Variants in GPX3 observed in about 807,000 individuals in gnomAD.
GPX3 encodes the protein glutathione peroxidase 3, also known as GPx-3.
Under a neutral mutation model 25.1 loss-of-function variants are expected in GPX3, and 22 were observed. That is an observed-to-expected ratio of 0.88 (90% CI 0.63 to 1.25). The LOEUF (loss-of-function observed/expected upper bound fraction) is 1.25. Ranked by LOEUF, GPX3 falls within the 50% of genes most tolerant of loss-of-function variation. The probability of loss-of-function intolerance (pLI) is 0.00; values close to 1 mark genes in which losing one functional copy is unlikely to be tolerated. For synonymous variants in GPX3, 110 were observed against 114.5 expected, an observed-to-expected ratio of 0.96 and a Z score of 0.25; for missense variants, 278 against 286.6, an observed-to-expected ratio of 0.97 and a Z score of 0.22.
intron 2 of GPX3, among the ~76,000 whole-genome samples, chr5:151,026,021 C>T (rs777115338): frequency 5.3e-5 from 8 of 152,176 alleles, no homozygotes; most frequent in Non-Finnish European, 8.8e-5. Flanking sequence ...TCTCAATCTA[C>T]ACATGGGAAA....
At position 151,027,905 on chromosome 5, in the gene GPX3, C is replaced by T. The variant is rs986650820; in HGVS notation, c.460-4C>T. ...GGTTGACACTCCTCTTATCCCTGCTCTAGAACTCCTGTCCTCCCACCTCGG... is the reference window on the plus strand; with the variant it reads ...GGTTGACACTCCTCTTATCCCTGCTTTAGAACTCCTGTCCTCCCACCTCGG... On this transcript the variant is annotated splice_polypyrimidine_tract_variant and splice_region_variant and intron_variant, in intron 4 of 4. Coordinates refer to ENST00000388825, the MANE Select transcript of GPX3 (RefSeq NM_002084.5). 2 of 1,613,624 alleles carry T rather than the reference C, an allele frequency of 1.2e-6. No homozygotes were observed. Among genetic ancestry groups the T allele is most frequent in the South Asian group, 2.2e-5 (2 of 91,048 alleles).
At chr5:151,025,978 CTT>C (rs1479299956) in intron 2 of GPX3, among the ~76,000 whole-genome samples, 2 of 152,150 alleles carry the variant, frequency 1.3e-5, no homozygotes, top group African/African-American at 4.8e-5. Flanking sequence ...CTAAAATAAA[CTT>C]TGAAGATGAT....
chr5:151,020,641 GC>G lies in GPX3; in HGVS notation c.-9del, dbSNP rs1424459806. The G allele has an allele frequency of 3.1e-6, 5 of 1,601,214 alleles. No homozygotes were observed. Among genetic ancestry groups the G allele is most frequent in the Non-Finnish European group, 4.3e-6 (5 of 1,175,364 alleles). ...CAGCGGCTCAGGCGACCCTGAGTGT[GC>G]CCCCACCCCGCCATGGCCCGGCTGC... On this transcript the variant is annotated 5_prime_UTR_variant, in exon 1 of 5. Transcript: ENST00000388825.
In GPX3 at chr5:151,025,459, G is replaced by A. The variant is rs1430868908; in HGVS notation, c.207G>A (p.Val69=). The change falls in exon 2 of 5, where the codon GTG becomes GTA. Residue 69 remains valine (V), a synonymous_variant. Coordinates refer to ENST00000388825, the MANE Select transcript of GPX3 (RefSeq NM_002084.5). ...YAGKYVLFVN[V]ASYUGLTGQY... ...GCAAATACGTCCTCTTTGTCAACGT[G>A]GCCAGCTACTGAGGCCTGACGGGCC... The A allele has an allele frequency of 3.7e-6, 6 of 1,612,060 alleles. No individual in the cohort carries two copies. The Middle Eastern group carries it at 6.9e-4, about 185-fold the overall frequency.
intron 1 of GPX3, 87 bp from the exon 2 acceptor site, chr5:151,025,253 T>C (rs1463837928): frequency 4.5e-6 from 5 of 1,105,998 alleles, no homozygotes; most frequent in Non-Finnish European, 6.3e-6. Context: ...AGTCACTCTC[T>C]CTGTTGGGAT....
chr5:151,028,113 G>A lies in GPX3; in HGVS notation c.664G>A (p.Gly222Arg). The A allele has an allele frequency of 6.3e-7, 1 of 1,575,026 alleles. No individual in the cohort carries two copies. The highest frequency in any genetic ancestry group is 8.6e-7 in the Non-Finnish European group (1 of 1,159,592). ...LSYMRRQAAL[G>R]VKRK is the part of the protein sequence containing the mutation. ...CTACATGAGGCGGCAGGCAGCCCTG[G>A]GGGTCAAGAGGAAGTAACTGAAGGC... is the stretch of plus-strand genomic sequence containing the variant. The change falls in exon 5 of 5, where the codon GGG (glycine) becomes AGG (arginine). Residue 222 changes from glycine (G) to arginine (R), a missense_variant. Coordinates refer to ENST00000388825, the MANE Select transcript of GPX3 (RefSeq NM_002084.5).
At position 151,027,934 on chromosome 5, in the gene GPX3, T is replaced by G; in HGVS notation, c.485T>G (p.Leu162Arg). Residue 162 changes from leucine (L) to arginine (R), a missense_variant, in exon 5 of 5, where the codon CTC (leucine) becomes CGC (arginine). Coordinates refer to ENST00000388825, the MANE Select transcript of GPX3 (RefSeq NM_002084.5). The part of the protein sequence containing the change: ...LKNSCPPTSE[L>R]LGTSDRLFWE... ...AACTCCTGTCCTCCCACCTCGGAGC[T>G]CCTGGGTACATCTGACCGCCTCTTC... is the stretch of plus-strand genomic sequence containing the variant. The G allele has an allele frequency of 6.2e-7, 1 of 1,614,164 alleles. No homozygotes were observed. The highest frequency in any genetic ancestry group is 8.5e-7 in the Non-Finnish European group (1 of 1,180,008).
chr5:151,022,746 G>A (rs1021307307), intron 1 of GPX3, among the ~76,000 whole-genome samples: 1 of 152,160 alleles, frequency 6.6e-6, no homozygotes, highest in African/African-American at 2.4e-5. Flanking sequence ...TGCAGAAGCC[G>A]GAAAGAGTGA....
Position 151,028,104 on chromosome 5 carries a change from G to C in GPX3, c.655G>C (p.Ala219Pro). The C allele has an allele frequency of 1.9e-6, 3 of 1,586,048 alleles. No individual in the cohort carries two copies. The highest frequency in any genetic ancestry group is 2.6e-6 in the Non-Finnish European group (3 of 1,165,574). The change falls in exon 5 of 5, where the codon GCA becomes CCA. Residue 219 changes from alanine (A) to proline (P), a missense_variant. Coordinates refer to ENST00000388825, the MANE Select transcript of GPX3 (RefSeq NM_002084.5). ...CATCCTGTCCTACATGAGGCGGCAG[G>C]CAGCCCTGGGGGTCAAGAGGAAGTA... ...MDILSYMRRQ[A>P]ALGVKRK
intron 3 of GPX3, 134 bp from the exon 4 acceptor site, chr5:151,027,298 A>G: frequency 4.5e-6 from 3 of 672,226 alleles, no homozygotes; most frequent in Non-Finnish European, 8.0e-6. Context: ...CCCACTGCAC[A>G]TTCACTGGCT....
At chr5:151,027,698 T>C (rs527252270) in intron 4 of GPX3, 167 bp downstream of exon 4, 8 of 662,954 alleles carry the variant, frequency 1.2e-5, no homozygotes, top group Admixed American at 7.6e-5. Context: ...TAGGGTCTCA[T>C]TGGCCCATTT....
chr5:151,027,601 C>A, intron 4 of GPX3, 70 bp downstream of exon 4: 1 of 967,958 alleles, frequency 1.0e-6, no homozygotes, highest in Non-Finnish European at 1.6e-6. Context: ...GCGTCAGGGC[C>A]CATGCCACCT....
In GPX3 at chr5:151,025,503, C is replaced by T; in HGVS notation, c.241+10C>T. On this transcript the variant is annotated intron_variant, in intron 2 of 4. Coordinates refer to ENST00000388825, the MANE Select transcript of GPX3 (RefSeq NM_002084.5). ...ACGGGCCAGTACATTGGTAAGAGCCCACCCTTCCTCCCTGCTTTATTTGGG... is the reference window on the plus strand; with the variant it reads ...ACGGGCCAGTACATTGGTAAGAGCCTACCCTTCCTCCCTGCTTTATTTGGG... 3 of 1,587,688 alleles carry T rather than the reference C, an allele frequency of 1.9e-6. No individual in the cohort carries two copies. The highest frequency in any genetic ancestry group is 1.7e-6 in the Non-Finnish European group (2 of 1,166,876).
At chr5:151,026,825 G>A (rs34933581) in intron 2 of GPX3, 75 bp from the exon 3 acceptor site, 1 of 1,051,116 alleles carries the variant, frequency 9.5e-7, no homozygotes, top group Non-Finnish European at 1.4e-6. Flanking sequence ...CAGCGGGTGA[G>A]CCGGGGGAGT....
chr5:151,024,594 C>T (rs1157460919), intron 1 of GPX3, among the ~76,000 whole-genome samples: 1 of 152,196 alleles, frequency 6.6e-6, no homozygotes, highest in Non-Finnish European at 1.5e-5. Flanking sequence ...CCCTCCTTGT[C>T]CTGGAGGCTG....
Position 151,020,648 on chromosome 5 carries a change from C to T in GPX3, c.-7C>T, listed in dbSNP as rs759973366. On this transcript the variant is annotated 5_prime_UTR_variant, in exon 1 of 5. Transcript: ENST00000388825. ...TCAGGCGACCCTGAGTGTGCCCCCA[C>T]CCCGCCATGGCCCGGCTGCTGCAGG... 2 of 1,604,690 alleles carry T rather than the reference C, an allele frequency of 1.2e-6. No individual in the cohort carries two copies. The highest frequency in any genetic ancestry group is 2.2e-5 in the East Asian group (1 of 44,662).
At position 151,028,281 on chromosome 5, in the gene GPX3, G is replaced by T. The variant is rs929649703; in HGVS notation, c.*151G>T. On this transcript the variant is annotated 3_prime_UTR_variant, in exon 5 of 5. Transcript: ENST00000388825. ...GGCACAAATGGATGCATACAGTTCTGTGTACTGCCAGGCATGTGGGTGTGG... is the reference window on the plus strand; with the variant it reads ...GGCACAAATGGATGCATACAGTTCTTTGTACTGCCAGGCATGTGGGTGTGG... 8.8e-6 allele frequency: 6 copies of T among 685,504 alleles called. No individual in the cohort carries two copies. The highest frequency in any genetic ancestry group is 7.1e-5 in the African/African-American group (4 of 56,026). The allele number at this position is 685,504 out of a possible 1,614,324, so 42.5% of individuals were successfully genotyped here. A position where few individuals can be genotyped will look rare whatever the true frequency, so the allele number is the denominator to read the frequency against.
intron 1 of GPX3, chr5:151,020,949 G>C (rs1370562572): frequency 9.3e-6 from 6 of 643,214 alleles, no homozygotes; most frequent in South Asian, 1.7e-5. Context: ...CTGTTGGAGA[G>C]CCGAGACCTG....
intron 3 of GPX3, 107 bp downstream of exon 3, chr5:151,027,124 C>T: frequency 1.3e-6 from 1 of 764,118 alleles, no homozygotes; most frequent in South Asian, 1.6e-5. Context: ...AACTACTCTC[C>T]TCTTCTAGGA....
Sources: gnomAD v4.1 joint callset for allele counts (sites outside exome capture counted in the v4.1 genomes callset) on GRCh38, gnomAD v4.1.1 for gene constraint, MANE v1.5 for transcripts, NCBI Gene and HGNC (gene_info 2026-07-23, HGNC 2026-07-21) for gene names.